STAU1: variants seen among roughly 807,000 people sequenced by gnomAD.
STAU1 encodes staufen double-stranded RNA binding protein 1.
In STAU1, 13 loss-of-function variants were observed where a neutral mutation model predicts 62.9. The observed-to-expected ratio is 0.21, with a 90% CI of 0.13 to 0.33. The LOEUF (loss-of-function observed/expected upper bound fraction) is 0.33. Among genes scored for constraint, STAU1 ranks in the 10% least tolerant of loss-of-function variants. STAU1 has a pLI of 1.00. For missense variants in STAU1, 571 were observed against 712.1 expected (o/e 0.80, Z 2.25); for synonymous variants, 269 against 265.1 (o/e 1.01, Z -0.14).
chr20:49,204,317 A>T, the STAU1 span, among the ~76,000 whole-genome samples: 2 of 151,592 alleles, frequency 1.3e-5, no homozygotes, highest in Non-Finnish European at 2.9e-5. Flanking sequence ...GTACTTTAAA[A>T]TTTTATGTAA....
At position 49,123,564 on chromosome 20, in the gene STAU1, C is replaced by T. The variant is rs1423725850; in HGVS notation, c.823-329G>A. ...ATAAAACACTATTCCTACAACTCCC[C>T]AAAAGTCTGAGCTATGATGGGTTCC... On this transcript the variant is annotated intron_variant, in intron 7 of 13. Coordinates refer to ENST00000371856, the MANE Select transcript of STAU1 (RefSeq NM_017453.4). Among the ~76,000 whole-genome samples, 6 of 152,208 alleles carry T rather than the reference C, an allele frequency of 3.9e-5. No homozygotes were observed. In the South Asian group the frequency reaches 1.0e-3, roughly 26 times the overall value.
chr20:49,200,222 GA>G, the STAU1 span, among the ~76,000 whole-genome samples: 1 of 152,122 alleles, frequency 6.6e-6, no homozygotes, highest in Non-Finnish European at 1.5e-5. Context: ...CCAAAACCTG[GA>G]GACAATCAAA....
intron 5 of STAU1, among the ~76,000 whole-genome samples, chr20:49,146,269 AAAAT>A (rs1024276177): frequency 2.6e-5 from 4 of 152,196 alleles, no homozygotes; most frequent in African/African-American, 7.2e-5. Context: ...CCATCTCAAG[AAAAT>A]AAATAAATAA....
intron 5 of STAU1, among the ~76,000 whole-genome samples, chr20:49,144,203 T>C (rs763781304): frequency 2.0e-5 from 3 of 152,218 alleles, no homozygotes; most frequent in Non-Finnish European, 4.4e-5. Context: ...CTTGTGCATT[T>C]GTCCAGTTAT....
intron 5 of STAU1, among the ~76,000 whole-genome samples, chr20:49,147,869 C>G (rs2093161826): frequency 1.3e-5 from 2 of 152,174 alleles, no homozygotes; most frequent in African/African-American, 4.8e-5. Context: ...GGTTACTGTA[C>G]ACTGTCATGC....
At chr20:49,187,546 T>C (rs2093803036) in intron 1 of STAU1, among the ~76,000 whole-genome samples, 1 of 152,150 alleles carries the variant, frequency 6.6e-6, no homozygotes, top group Admixed American at 6.5e-5. Context: ...TCTGGCACTC[T>C]GATAAGCGCT....
At chr20:49,120,966 T>C (rs1201527692) in intron 8 of STAU1, among the ~76,000 whole-genome samples, 3 of 152,004 alleles carry the variant, frequency 2.0e-5, no homozygotes, top group African/African-American at 4.8e-5. Flanking sequence ...GGCTAACTTT[T>C]CTATTTTTAG....
chr20:49,212,615 A>ATTTTTTTTTTTTTTTT, the STAU1 span, among the ~76,000 whole-genome samples: 9 of 85,178 alleles, frequency 1.1e-4, 1 homozygote, highest in East Asian at 3.3e-4. Context: ...AGCTATTGGA[A>ATTTTTTTTTTTTTTTT]TTTTTTTTTT....
chr20:49,118,404 G>T lies in STAU1; in HGVS notation c.1118C>A (p.Pro373His). 1 of 1,607,366 alleles carries T rather than the reference G, an allele frequency of 6.2e-7. No individual in the cohort carries two copies. The highest frequency in any genetic ancestry group is 8.5e-7 in the Non-Finnish European group (1 of 1,177,670). ...KPALKSEEKT[P>H]IKKPGDGRKV... is the part of the protein sequence containing the mutation. The stretch of plus-strand genomic sequence containing the variant: ...TCTTCCATCCCCTGGTTTCTTTATG[G>T]GTGTCTTAAAAAAGAAGAAGAAAAA... Residue 373 changes from proline (P) to histidine (H), a missense_variant, in exon 10 of 14, where the codon CCC (proline) becomes CAC (histidine). Pro to His is a moderately conservative substitution (Grantham distance 77). Coordinates refer to ENST00000371856, the MANE Select transcript of STAU1 (RefSeq NM_017453.4).
intron 5 of STAU1, among the ~76,000 whole-genome samples, chr20:49,145,925 A>G (rs900143514): frequency 6.8e-6 from 1 of 146,734 alleles, no homozygotes; most frequent in African/African-American, 2.8e-5. Flanking sequence ...ATAAAAAAGA[A>G]AAAGAAAACT....
intron 2 of STAU1, among the ~76,000 whole-genome samples, chr20:49,171,726 C>T (rs552373858): frequency 6.6e-6 from 1 of 152,182 alleles, no homozygotes; most frequent in African/African-American, 2.4e-5. Flanking sequence ...TGACTCCAAA[C>T]ATTATCCAAA....
intron 5 of STAU1, among the ~76,000 whole-genome samples, chr20:49,137,637 T>C (rs927873193): frequency 6.6e-6 from 1 of 152,036 alleles, no homozygotes; most frequent in Non-Finnish European, 1.5e-5. Context: ...TGCATTTCCT[T>C]ATGTTTATCA....
chr20:49,149,781 C>T lies in STAU1; in HGVS notation c.510+1801G>A, dbSNP rs115865321. Among the ~76,000 whole-genome samples, 547 of 152,212 alleles carry T rather than the reference C, an allele frequency of 3.6e-3. 3 individuals carry two copies. Among genetic ancestry groups the T allele is most frequent in the African/African-American group, 0.013 (529 of 41,532 alleles). Reference sequence around the variant, plus strand: ...ATTATAGCGGAAAATGGAAATGCAGCGTAACAAAAGAAAAACAAATCGCTC... The same window carrying T: ...ATTATAGCGGAAAATGGAAATGCAGTGTAACAAAAGAAAAACAAATCGCTC... On this transcript the variant is annotated intron_variant, in intron 5 of 13. Transcript: ENST00000371856.
intron 4 of STAU1, among the ~76,000 whole-genome samples, chr20:49,152,313 T>C (rs1267773798): frequency 6.6e-6 from 1 of 151,690 alleles, no homozygotes; most frequent in Non-Finnish European, 1.5e-5. Context: ...AAGAATTCCA[T>C]TTTGCTCATC....
At chr20:49,208,029 C>T in the STAU1 span, among the ~76,000 whole-genome samples, 8 of 151,752 alleles carry the variant, frequency 5.3e-5, no homozygotes, top group Admixed American at 2.6e-4. Flanking sequence ...TACAGGTGCA[C>T]ACCACCACAC....
At chr20:49,132,015 C>G (rs1027041346) in intron 6 of STAU1, among the ~76,000 whole-genome samples, 29 of 151,630 alleles carry the variant, frequency 1.9e-4, no homozygotes, top group African/African-American at 6.3e-4. Context: ...AAGTGAGCCT[C>G]CAAAATGGAT....
intron 7 of STAU1, among the ~76,000 whole-genome samples, chr20:49,123,841 T>C (rs942145111): frequency 1.3e-5 from 2 of 152,208 alleles, no homozygotes; most frequent in African/African-American, 4.8e-5. Flanking sequence ...AAACTACATA[T>C]ACTGAAAATC....
At chr20:49,155,767 C>G (rs2093347852) in intron 3 of STAU1, among the ~76,000 whole-genome samples, 1 of 152,158 alleles carries the variant, frequency 6.6e-6, no homozygotes, top group African/African-American at 2.4e-5. Context: ...TAAGTACAGT[C>G]TGAATCATTT....
chr20:49,114,267 A>T lies in STAU1; in HGVS notation c.*611T>A, dbSNP rs774389516. 1 of 152,768 alleles carries T rather than the reference A, an allele frequency of 6.5e-6. No individual in the cohort carries two copies. The highest frequency in any genetic ancestry group is 1.5e-5 in the Non-Finnish European group (1 of 68,118). The allele number at this position is 152,768 out of a possible 1,614,324, so 9.5% of individuals were successfully genotyped here. On this transcript the variant is annotated 3_prime_UTR_variant, in exon 14 of 14. Coordinates refer to ENST00000371856, the MANE Select transcript of STAU1 (RefSeq NM_017453.4). ...TCAAATGAAAATTTTATATAGTGTC[A>T]TATCAATCAAAAGAAAATAATGAAA...
Sources: gnomAD v4.1 joint callset for allele counts (sites outside exome capture counted in the v4.1 genomes callset) on GRCh38, gnomAD v4.1.1 for gene constraint, MANE v1.5 for transcripts, NCBI Gene and HGNC (gene_info 2026-07-23, HGNC 2026-07-21) for gene names.